The following CIMIP5 variants were observed in gnomAD, a reference collection of about 807,000 sequenced individuals.
CIMIP5 encodes the protein uncharacterized protein C2orf50.
the CIMIP5 span, among the ~76,000 whole-genome samples, chr2:11,137,415 T>C: frequency 1.3e-5 from 2 of 151,802 alleles, no homozygotes; most frequent in African/African-American, 4.8e-5. Context: ...GAAATAAAAA[T>C]ATATAAAGTT....
the CIMIP5 span, among the ~76,000 whole-genome samples, chr2:11,148,730 C>CTATTTTTTTT: frequency 1.6e-5 from 1 of 63,874 alleles, no homozygotes; most frequent in African/African-American, 9.6e-5. Flanking sequence ...CTAATGAAAA[C>CTATTTTTTTT]TCTTTTTTTT....
At chr2:11,151,673 C>G in the CIMIP5 span, among the ~76,000 whole-genome samples, 1 of 152,202 alleles carries the variant, frequency 6.6e-6, no homozygotes, top group African/African-American at 2.4e-5. Flanking sequence ...GCTCTGTCAC[C>G]CACTCTGTCT....
At chr2:11,133,497 C>T in the CIMIP5 span, 4 of 1,608,662 alleles carry the variant, frequency 2.5e-6, no homozygotes, top group Non-Finnish European at 3.4e-6. Context: ...TCTGAAGGCG[C>T]AGCGGGTGGC....
At chr2:11,153,647 T>C in the CIMIP5 span, among the ~76,000 whole-genome samples, 1 of 152,208 alleles carries the variant, frequency 6.6e-6, no homozygotes, top group South Asian at 2.1e-4. Context: ...CTGCTGATGC[T>C]TGTTAAAAAG....
At chr2:11,148,954 G>A in the CIMIP5 span, among the ~76,000 whole-genome samples, 6 of 151,336 alleles carry the variant, frequency 4.0e-5, no homozygotes, top group South Asian at 8.4e-4. Flanking sequence ...AGCTGGTCTC[G>A]AACTCCTGAC....
chr2:11,133,483 A>G, the CIMIP5 span: 116 of 1,608,448 alleles, frequency 7.2e-5, 2 homozygotes, highest in South Asian at 1.3e-3. Context: ...CAGGCCCCCC[A>G]GGCTCTGAAG....
At chr2:11,135,777 AG>A in the CIMIP5 span, among the ~76,000 whole-genome samples, 7 of 151,944 alleles carry the variant, frequency 4.6e-5, no homozygotes, top group African/African-American at 1.7e-4. Context: ...TCCTGACCAC[AG>A]ATGATCCACG....
At chr2:11,147,298 G>A in the CIMIP5 span, among the ~76,000 whole-genome samples, 2 of 152,302 alleles carry the variant, frequency 1.3e-5, no homozygotes, top group Middle Eastern at 3.4e-3. Flanking sequence ...TGCCTTCCCC[G>A]CTCCAGGCCT....
chr2:11,133,196 A>G, the CIMIP5 span: 1 of 1,040,328 alleles, frequency 9.6e-7, no homozygotes, highest in East Asian at 3.1e-5. Flanking sequence ...CTAAAGGGAC[A>G]GTGAGGAGGA....
At chr2:11,153,431 C>T in the CIMIP5 span, among the ~76,000 whole-genome samples, 1 of 152,334 alleles carries the variant, frequency 6.6e-6, no homozygotes, top group East Asian at 1.9e-4. Context: ...TCCTGGGGGC[C>T]CAGATCCTGG....
At chr2:11,144,320 G>A in the CIMIP5 span, 3 of 383,012 alleles carry the variant, frequency 7.8e-6, no homozygotes, top group Non-Finnish European at 9.3e-6. Context: ...CTGGTCCACG[G>A]CCGTACAATC....
the CIMIP5 span, chr2:11,144,315 C>T: frequency 7.6e-6 from 3 of 396,052 alleles, no homozygotes; most frequent in African/African-American, 6.2e-5. Context: ...AGTAACTGGT[C>T]CACGGCCGTA....
chr2:11,139,051 G>T, the CIMIP5 span, among the ~76,000 whole-genome samples: 1 of 152,040 alleles, frequency 6.6e-6, no homozygotes, highest in African/African-American at 2.4e-5. Flanking sequence ...CCTAGTAGCT[G>T]GTATTACAGG....
chr2:11,133,424 A>T, the CIMIP5 span: 1 of 1,611,126 alleles, frequency 6.2e-7, no homozygotes. Context: ...CGGTCTCCCC[A>T]GCTGCCCGGG....
At chr2:11,137,205 T>C in the CIMIP5 span, among the ~76,000 whole-genome samples, 3 of 152,000 alleles carry the variant, frequency 2.0e-5, no homozygotes, top group Non-Finnish European at 4.4e-5. Context: ...AAACCCCATC[T>C]CTACTAAAAA....
chr2:11,149,532 C>T, the CIMIP5 span, among the ~76,000 whole-genome samples: 14 of 151,986 alleles, frequency 9.2e-5, no homozygotes, highest in Non-Finnish European at 1.5e-4. Context: ...ATGCTGAAAC[C>T]GCATCTCTGC....
At chr2:11,146,409 C>T in the CIMIP5 span, 1 of 152,082 alleles carries the variant, frequency 6.6e-6, no homozygotes, top group Admixed American at 6.6e-5. Flanking sequence ...ATTGATTCCC[C>T]CAAATTTAGC....
chr2:11,152,972 G>A, the CIMIP5 span, among the ~76,000 whole-genome samples: 21 of 152,306 alleles, frequency 1.4e-4, no homozygotes, highest in Middle Eastern at 3.4e-3. Flanking sequence ...GACCATATAC[G>A]TTGAGCACCT....
chr2:11,143,182 T>C, the CIMIP5 span, among the ~76,000 whole-genome samples: 1 of 146,734 alleles, frequency 6.8e-6, no homozygotes, highest in African/African-American at 2.7e-5. Context: ...GTTCACACCA[T>C]GGAGTACAGT....
Sources: allele counts gnomAD v4.1 joint callset (sites outside exome capture counted in the v4.1 genomes callset), GRCh38; gene constraint gnomAD v4.1.1; transcripts MANE v1.5; gene names NCBI Gene and HGNC (gene_info 2026-07-23, HGNC 2026-07-21).